Variants in ARHGAP18 observed in about 807,000 individuals in gnomAD.
The protein encoded by ARHGAP18 is Rho GTPase activating protein 18, also known as rho GTPase-activating protein 18.
Under a neutral mutation model 86.2 loss-of-function variants are expected in ARHGAP18, and 67 were observed. The ratio of observed to expected loss-of-function variants is 0.78; its 90% confidence interval spans 0.64 to 0.95. The LOEUF (loss-of-function observed/expected upper bound fraction) is 0.95. ARHGAP18 is among the 40% of genes least tolerant of loss of function. ARHGAP18 has a pLI of 0.00. For missense variants in ARHGAP18, 691 were observed against 780.4 expected, an observed-to-expected ratio of 0.89 and a Z score of 1.37; for synonymous variants, 283 against 280.4, an observed-to-expected ratio of 1.01 and a Z score of -0.09.
At chr6:129,706,501 A>G (rs1774804398) in intron 1 of ARHGAP18, among the ~76,000 whole-genome samples, 1 of 152,238 alleles carries the variant, frequency 6.6e-6, no homozygotes, top group Non-Finnish European at 1.5e-5. Context: ...ATAAAGAGGG[A>G]TAATGGAATG....
At chr6:129,587,198 T>C (rs1449942475) in intron 12 of ARHGAP18, among the ~76,000 whole-genome samples, 1 of 152,198 alleles carries the variant, frequency 6.6e-6, no homozygotes, top group African/African-American at 2.4e-5. Context: ...AAAACTCATC[T>C]TAGGAACAAT....
chr6:129,697,942 T>C (rs1000825303), intron 1 of ARHGAP18, among the ~76,000 whole-genome samples: 8 of 152,232 alleles, frequency 5.3e-5, no homozygotes, highest in African/African-American at 1.9e-4. Flanking sequence ...AATTATAGAA[T>C]ACGTTGATCG....
chr6:129,624,167 T>G (rs1789290195), intron 5 of ARHGAP18, among the ~76,000 whole-genome samples: 1 of 152,328 alleles, frequency 6.6e-6, no homozygotes, highest in African/African-American at 2.4e-5. Context: ...CTTCATTTTG[T>G]TTAATTAGAT....
At chr6:129,621,009 A>AGC (rs1212710197) in intron 5 of ARHGAP18, among the ~76,000 whole-genome samples, 1 of 152,210 alleles carries the variant, frequency 6.6e-6, no homozygotes, top group African/African-American at 2.4e-5. Context: ...AAACCATGAT[A>AGC]CACTTAATTT....
chr6:129,708,087 C>T (rs1774831508), intron 1 of ARHGAP18, among the ~76,000 whole-genome samples: 1 of 152,130 alleles, frequency 6.6e-6, no homozygotes. Flanking sequence ...TCAGGCTAAA[C>T]AGGGTATCTC....
chr6:129,585,605 T>C (rs1289938421), intron 12 of ARHGAP18, among the ~76,000 whole-genome samples: 9 of 152,232 alleles, frequency 5.9e-5, no homozygotes, highest in African/African-American at 2.2e-4. Flanking sequence ...TCAGAAATCC[T>C]GCTGCAGAGT....
At chr6:129,697,205 A>T (rs1774632432) in intron 1 of ARHGAP18, among the ~76,000 whole-genome samples, 1 of 152,234 alleles carries the variant, frequency 6.6e-6, no homozygotes, top group Non-Finnish European at 1.5e-5. Context: ...CAACCAGCAC[A>T]AGTGCCAAAC....
chr6:129,671,693 G>T (rs911232381), intron 1 of ARHGAP18, among the ~76,000 whole-genome samples: 1 of 152,120 alleles, frequency 6.6e-6, no homozygotes, highest in Non-Finnish European at 1.5e-5. Flanking sequence ...GGTAAACAGA[G>T]TAAGACTCTG....
chr6:129,655,357 G>GA (rs146975896), intron 1 of ARHGAP18, among the ~76,000 whole-genome samples: 1,800 of 127,600 alleles, frequency 0.014, 43 homozygotes, highest in African/African-American at 0.052. Context: ...GAAAAGAAAA[G>GA]AAAAGAAAAC....
At position 129,686,271 on chromosome 6, in the gene ARHGAP18, C is replaced by T. The variant is rs566997720; in HGVS notation, c.113+23753G>A. ...CCCAAACCCTCCTACCATGGCTGCCCTGTGTTCCTCAGCCACTTTCTCCTT... is the reference window on the plus strand; with the variant it reads ...CCCAAACCCTCCTACCATGGCTGCCTTGTGTTCCTCAGCCACTTTCTCCTT... On this transcript the variant is annotated intron_variant, in intron 1 of 14. Transcript: ENST00000368149. Among the ~76,000 whole-genome samples the T allele has an allele frequency of 3.9e-5, 6 of 152,282 alleles. No individual in the cohort carries two copies. In the East Asian group the frequency reaches 1.2e-3, roughly 29 times the overall value.
At chr6:129,633,101 A>T (rs1029503364) in intron 4 of ARHGAP18, among the ~76,000 whole-genome samples, 1 of 152,118 alleles carries the variant, frequency 6.6e-6, no homozygotes, top group Non-Finnish European at 1.5e-5. Flanking sequence ...AATAGCTATA[A>T]ATTCTCTCTT....
In ARHGAP18 at chr6:129,612,944, C is replaced by G. The variant is rs188092718; in HGVS notation, c.1045-1334G>C. Among the ~76,000 whole-genome samples the G allele has an allele frequency of 3.4e-3, 515 of 152,192 alleles. 3 individuals carry two copies. The highest frequency in any genetic ancestry group is 0.011 in the African/African-American group (477 of 41,526). Reference sequence around the variant, plus strand: ...CAGTACAGGATTTTTAAAAATTCATCTGGAGTAGGCCGGGCATGGTGGCTC... The same window carrying G: ...CAGTACAGGATTTTTAAAAATTCATGTGGAGTAGGCCGGGCATGGTGGCTC... On this transcript the variant is annotated intron_variant, in intron 7 of 14. Coordinates refer to ENST00000368149, the MANE Select transcript of ARHGAP18 (RefSeq NM_033515.3).
intron 1 of ARHGAP18, among the ~76,000 whole-genome samples, chr6:129,650,507 G>A (rs2114508776): frequency 6.6e-6 from 1 of 152,248 alleles, no homozygotes; most frequent in African/African-American, 2.4e-5. Context: ...AATCTCTCAG[G>A]AAGCAGTTTT....
chr6:129,682,573 G>A (rs1439467890), intron 1 of ARHGAP18, among the ~76,000 whole-genome samples: 6 of 152,124 alleles, frequency 3.9e-5, no homozygotes, highest in South Asian at 2.1e-4. Context: ...AGTGTTAGTC[G>A]AATTCTAAAG....
chr6:129,629,010 T>C (rs1034446452), intron 5 of ARHGAP18, among the ~76,000 whole-genome samples: 4 of 152,180 alleles, frequency 2.6e-5, no homozygotes, highest in Non-Finnish European at 5.9e-5. Flanking sequence ...AATTGATCTA[T>C]GAAGGCCAAA....
chr6:129,698,117 T>C (rs924316124), intron 1 of ARHGAP18, among the ~76,000 whole-genome samples: 6 of 152,156 alleles, frequency 3.9e-5, no homozygotes, highest in African/African-American at 1.4e-4. Context: ...CTAAATATGA[T>C]ACTAAAAAAG....
At chr6:129,648,445 T>C (rs139614101) in intron 1 of ARHGAP18, among the ~76,000 whole-genome samples, 6,498 of 151,444 alleles carry the variant, frequency 0.043, 201 homozygotes, top group Admixed American at 0.076. Flanking sequence ...ATTACAGGTG[T>C]AAGCCACTGT....
chr6:129,647,675 A>G (rs1161535954), intron 1 of ARHGAP18, among the ~76,000 whole-genome samples: 2 of 124,484 alleles, frequency 1.6e-5, no homozygotes, highest in African/African-American at 6.7e-5. Context: ...TTAATGTGTA[A>G]AAAAAAAAAA....
In ARHGAP18 at chr6:129,577,521, T is replaced by C. The variant is rs1331446581; in HGVS notation, c.*992A>G. 4 of 152,010 alleles carry C rather than the reference T, an allele frequency of 2.6e-5. No individual in the cohort carries two copies. The highest frequency in any genetic ancestry group is 5.9e-5 in the Non-Finnish European group (4 of 67,974). The allele number at this position is 152,010 out of a possible 1,614,324, so 9.4% of individuals were successfully genotyped here. A position where few individuals can be genotyped will look rare whatever the true frequency, so the allele number is the denominator to read the frequency against. Reference sequence around the variant, plus strand: ...ATAAATTGACTCCGATTATTTAAAATAAGAACACAAACAAAAGCTTTTTCA... The same window carrying C: ...ATAAATTGACTCCGATTATTTAAAACAAGAACACAAACAAAAGCTTTTTCA... On this transcript the variant is annotated 3_prime_UTR_variant, in exon 15 of 15. Transcript: ENST00000368149.
Sources: allele counts gnomAD v4.1 joint callset (sites outside exome capture counted in the v4.1 genomes callset), GRCh38; gene constraint gnomAD v4.1.1; transcripts MANE v1.5; gene names NCBI Gene and HGNC (gene_info 2026-07-23, HGNC 2026-07-21).